The following STX6 variants were observed in gnomAD, a reference collection of about 807,000 sequenced individuals.
STX6 encodes the protein syntaxin-6.
In STX6, 23 loss-of-function variants were observed where a neutral mutation model predicts 38.0. The observed-to-expected ratio is 0.60, with a 90% confidence interval of 0.43 to 0.86. The LOEUF (loss-of-function observed/expected upper bound fraction) is 0.86, where lower values mean the gene tolerates loss of function less well. STX6 is among the 40% of genes least tolerant of loss of function. The pLI, the probability that STX6 is intolerant of heterozygous loss-of-function variation, is 0.00. For missense variants in STX6, 274 were observed against 312.9 expected (o/e 0.88, Z 0.94); for synonymous variants, 123 against 107.5 (o/e 1.14, Z -0.89).
Position 180,976,430 on chromosome 1 carries a change from G to C in STX6, c.*140C>G. On this transcript the variant is annotated 3_prime_UTR_variant, in exon 8 of 8. Coordinates refer to ENST00000258301, the MANE Select transcript of STX6 (RefSeq NM_005819.6). ...GGGATGGAGGAGCCATGTCAATTGT[G>C]GGGTCACACGGAGAAAAGTCAGTGC... 1 of 741,402 alleles carries C rather than the reference G, an allele frequency of 1.3e-6. No individual in the cohort carries two copies. The highest frequency in any genetic ancestry group is 2.5e-5 in the East Asian group (1 of 39,480). The allele number at this position is 741,402 out of a possible 1,614,324, so 45.9% of individuals were successfully genotyped here. A position where few individuals can be genotyped will look rare whatever the true frequency, so the allele number is the denominator to read the frequency against.
chr1:180,978,942 T>C (rs763824844), intron 7 of STX6, among the ~76,000 whole-genome samples: 3 of 152,032 alleles, frequency 2.0e-5, no homozygotes, highest in Non-Finnish European at 4.4e-5. Flanking sequence ...AAAGCAACAG[T>C]AGGAAGAAAC....
chr1:181,004,605 C>T (rs1414040301), intron 2 of STX6, among the ~76,000 whole-genome samples: 2 of 152,226 alleles, frequency 1.3e-5, no homozygotes, highest in African/African-American at 2.4e-5. Flanking sequence ...AAGTGCTGCA[C>T]CTTTTCTCCC....
At chr1:181,020,698 TAC>T (rs1347300179) in intron 1 of STX6, among the ~76,000 whole-genome samples, 15 of 152,354 alleles carry the variant, frequency 9.8e-5, no homozygotes, top group African/African-American at 3.6e-4. Context: ...CCCAAGGAGT[TAC>T]CTTTCTCTGA....
intron 3 of STX6, among the ~76,000 whole-genome samples, chr1:180,994,344 A>G (rs2102312536): frequency 6.6e-6 from 1 of 152,380 alleles, no homozygotes; most frequent in South Asian, 2.1e-4. Context: ...GGTAAATGTG[A>G]GTGAGAACCA....
At position 181,004,878 on chromosome 1, in the gene STX6, C is replaced by A. The variant is rs558313323; in HGVS notation, c.205+416G>T. Among the ~76,000 whole-genome samples the A allele has an allele frequency of 3.3e-5, 5 of 151,504 alleles. No individual in the cohort carries two copies. The South Asian group carries it at 1.0e-3, about 31-fold the overall frequency. On this transcript the variant is annotated intron_variant, in intron 2 of 7. Coordinates refer to ENST00000258301, the MANE Select transcript of STX6 (RefSeq NM_005819.6). ...TGGGACTGAGCTCTTAACCTGTGGA[C>A]CTGATGCTATCTCCAAGTAGACAGT... is the stretch of plus-strand genomic sequence containing the variant.
At chr1:180,995,424 T>C (rs1313707383) in intron 3 of STX6, among the ~76,000 whole-genome samples, 2 of 152,372 alleles carry the variant, frequency 1.3e-5, no homozygotes, top group Non-Finnish European at 2.9e-5. Flanking sequence ...TAGTATCTCC[T>C]GGACTGCAGG....
chr1:180,989,705 GAA>G (rs754330145), intron 5 of STX6, among the ~76,000 whole-genome samples: 8 of 151,950 alleles, frequency 5.3e-5, no homozygotes, highest in Non-Finnish European at 1.0e-4. Context: ...CTGTAGCCTT[GAA>G]CTCCTGGGCT....
intron 1 of STX6, among the ~76,000 whole-genome samples, chr1:181,019,453 C>T (rs982507894): frequency 6.6e-6 from 1 of 151,792 alleles, no homozygotes; most frequent in African/African-American, 2.4e-5. Flanking sequence ...ACAAAGGAAG[C>T]ACTTCCTGGA....
In STX6 at chr1:180,984,868, C is replaced by CA. The variant is rs1655526495; in HGVS notation, c.597-98dup. On this transcript the variant is annotated intron_variant, in intron 6 of 7. Transcript: ENST00000258301. ...AGGACCAGGCCTCCATTTTAGCAAA[C>CA]AAAATAGGCAACACTGGGTTTCAGG... The CA allele has an allele frequency of 1.4e-5, 7 of 513,532 alleles. No homozygotes were observed. The South Asian group carries it at 2.0e-4, about 15-fold the overall frequency. 31.8% of individuals were successfully genotyped at this position (513,532 alleles called of 1,614,324 possible). A position where few individuals can be genotyped will look rare whatever the true frequency, so the allele number is the denominator to read the frequency against.
At chr1:181,020,092 A>G (rs2102337302) in intron 1 of STX6, among the ~76,000 whole-genome samples, 1 of 152,120 alleles carries the variant, frequency 6.6e-6, no homozygotes, top group East Asian at 1.9e-4. Flanking sequence ...GTACACACCT[A>G]TAGTCCCAGC....
chr1:181,018,182 A>T (rs1656617457), intron 1 of STX6, among the ~76,000 whole-genome samples: 1 of 152,016 alleles, frequency 6.6e-6, no homozygotes. Context: ...GTCAAAGTTC[A>T]AGACCAGCCT....
At chr1:181,011,853 A>T (rs1169076801) in intron 1 of STX6, among the ~76,000 whole-genome samples, 1 of 152,160 alleles carries the variant, frequency 6.6e-6, no homozygotes, top group Non-Finnish European at 1.5e-5. Flanking sequence ...CTTTGGGAGG[A>T]GCACTTCACT....
chr1:181,018,721 T>G (rs1382239862), intron 1 of STX6, among the ~76,000 whole-genome samples: 1 of 152,194 alleles, frequency 6.6e-6, no homozygotes, highest in African/African-American at 2.4e-5. Flanking sequence ...ACTGCATGTA[T>G]AAGTTACAAC....
intron 1 of STX6, among the ~76,000 whole-genome samples, chr1:181,014,961 A>C (rs1656514146): frequency 1.3e-5 from 2 of 152,216 alleles, no homozygotes; most frequent in Non-Finnish European, 2.9e-5. Context: ...ACTGCAGGTC[A>C]AAGTCACGAG....
rs1317563333 is a variant in STX6 at position 180,974,768 on chromosome 1, A to T, written c.*1802T>A. The T allele has an allele frequency of 2.6e-5, 4 of 152,640 alleles. No homozygotes were observed. The East Asian group carries it at 7.7e-4, about 29-fold the overall frequency. The allele number at this position is 152,640 out of a possible 1,614,324, so 9.5% of individuals were successfully genotyped here. A position where few individuals can be genotyped will look rare whatever the true frequency, so the allele number is the denominator to read the frequency against. On this transcript the variant is annotated 3_prime_UTR_variant, in exon 8 of 8. Transcript: ENST00000258301. ...AAAACATAAATAACCTAGTACTCTA[A>T]ACATCTGAAGCCCTTTGTAATACTC...
rs894153601 is a variant in STX6 at position 181,006,355 on chromosome 1, G to A, written c.36-892C>T. Among the ~76,000 whole-genome samples the A allele has an allele frequency of 2.0e-5, 3 of 151,154 alleles. 1 individual carries two copies. The Admixed American group carries it at 2.0e-4, about 10-fold the overall frequency. ...TAGGATTACAGGCATGAGCCACCAC[G>A]CCCAGCCACATTAGTGTTTTTCTTG... is the stretch of plus-strand genomic sequence containing the variant. On this transcript the variant is annotated intron_variant, in intron 1 of 7. Transcript: ENST00000258301.
chr1:181,010,077 G>C (rs1000088599), intron 1 of STX6, among the ~76,000 whole-genome samples: 2 of 152,144 alleles, frequency 1.3e-5, no homozygotes, highest in East Asian at 1.9e-4. Context: ...CGACATGGGG[G>C]AAGGACCAGA....
rs1655178911 is a variant in STX6, at chr1:180,973,690, G to A, written c.*2880C>T. ...ACCTGCATTTGCCACACAGTCCAGGGCATATAGAGCATTGTGATTCTTCAC... is the reference window on the plus strand; with the variant it reads ...ACCTGCATTTGCCACACAGTCCAGGACATATAGAGCATTGTGATTCTTCAC... On this transcript the variant is annotated 3_prime_UTR_variant, in exon 8 of 8. Coordinates refer to ENST00000258301, the MANE Select transcript of STX6 (RefSeq NM_005819.6). 6.6e-6 allele frequency: 1 copy of A among 152,634 alleles called. No individual in the cohort carries two copies. The highest frequency in any genetic ancestry group is 2.4e-5 in the African/African-American group (1 of 41,442). 9.5% of individuals were successfully genotyped at this position (152,634 alleles called of 1,614,324 possible).
chr1:180,999,300 T>G (rs1487805269), intron 3 of STX6, among the ~76,000 whole-genome samples: 2 of 152,208 alleles, frequency 1.3e-5, no homozygotes, highest in Non-Finnish European at 2.9e-5. Context: ...CCCTTACCCC[T>G]TATATTCACC....
Sources: gnomAD v4.1 joint callset for allele counts (sites outside exome capture counted in the v4.1 genomes callset) on GRCh38, gnomAD v4.1.1 for gene constraint, MANE v1.5 for transcripts, NCBI Gene and HGNC (gene_info 2026-07-23, HGNC 2026-07-21) for gene names.